The following RAB38 variants were observed in gnomAD, a reference collection of about 807,000 sequenced individuals.
The protein encoded by RAB38 is RAB38, member RAS oncogene family, also known as ras-related protein Rab-38.
In RAB38, 15 loss-of-function variants were observed where a neutral mutation model predicts 18.4. The observed-to-expected ratio is 0.82, with a 90% CI of 0.55 to 1.26. The LOEUF is 1.26. RAB38 is among the 50% of genes most tolerant of loss of function. The pLI is 0.00. For missense variants in RAB38, 294 were observed against 267.4 expected (o/e 1.10, Z -0.69); for synonymous variants, 101 against 104.4 (o/e 0.97, Z 0.20).
intron 2 of RAB38, among the ~76,000 whole-genome samples, chr11:88,145,476 T>C (rs1190951353): frequency 1.3e-5 from 2 of 152,070 alleles, no homozygotes; most frequent in Non-Finnish European, 2.9e-5. Context: ...ACAGTAGCTC[T>C]AGAAGGTGAG....
the RAB38 span, among the ~76,000 whole-genome samples, chr11:88,004,001 A>T: frequency 7.8e-6 from 1 of 127,432 alleles, no homozygotes; most frequent in African/African-American, 3.1e-5. Context: ...ATATATATAT[A>T]AAAAAGGTAT....
intron 1 of RAB38, chr11:88,173,628 G>A (rs1180185604): frequency 1.6e-5 from 16 of 985,422 alleles, no homozygotes; most frequent in South Asian, 4.7e-5. Context: ...ACAGTAAGCC[G>A]TTTCTAAATC....
the RAB38 span, among the ~76,000 whole-genome samples, chr11:88,061,080 C>T: frequency 6.6e-6 from 1 of 152,022 alleles, no homozygotes; most frequent in Non-Finnish European, 1.5e-5. Context: ...TTATCCGTGC[C>T]CTACAATGAT....
chr11:88,069,328 GC>G, the RAB38 span, among the ~76,000 whole-genome samples: 479 of 152,304 alleles, frequency 3.1e-3, 10 homozygotes, highest in Admixed American at 0.022. Flanking sequence ...ATGCCGGAGG[GC>G]CCCCCAGGGT....
At chr11:88,158,434 G>T (rs2386578) in intron 1 of RAB38, among the ~76,000 whole-genome samples, 37,441 of 151,904 alleles carry the variant, frequency 0.25, 4,653 homozygotes, top group Admixed American at 0.27. Context: ...TAGAAAGCCA[G>T]CATCACCCTG....
chr11:87,961,805 T>G, the RAB38 span, among the ~76,000 whole-genome samples: 1 of 152,132 alleles, frequency 6.6e-6, no homozygotes, highest in African/African-American at 2.4e-5. Flanking sequence ...TAAGAGAAAA[T>G]GTGTCATGGG....
chr11:87,968,766 A>G, the RAB38 span, among the ~76,000 whole-genome samples: 1 of 152,140 alleles, frequency 6.6e-6, no homozygotes, highest in Non-Finnish European at 1.5e-5. Flanking sequence ...TGTAACAAAG[A>G]GTTGATATTT....
At chr11:88,066,716 C>G in the RAB38 span, among the ~76,000 whole-genome samples, 3 of 152,120 alleles carry the variant, frequency 2.0e-5, no homozygotes, top group Non-Finnish European at 4.4e-5. Context: ...ATTTTCCTCT[C>G]TAAAAACTAG....
the RAB38 span, among the ~76,000 whole-genome samples, chr11:88,051,254 A>C: frequency 5.9e-5 from 9 of 152,026 alleles, no homozygotes; most frequent in Admixed American, 5.9e-4. Flanking sequence ...TCCCCAGGGT[A>C]CTGGAAACTG....
chr11:87,870,311 G>A, the RAB38 span, among the ~76,000 whole-genome samples: 2 of 151,360 alleles, frequency 1.3e-5, no homozygotes, highest in East Asian at 2.0e-4. Context: ...TCAGACACAC[G>A]GATATCATCC....
At chr11:87,938,205 C>T in the RAB38 span, among the ~76,000 whole-genome samples, 1 of 152,010 alleles carries the variant, frequency 6.6e-6, no homozygotes, top group Non-Finnish European at 1.5e-5. Flanking sequence ...ATGGGAATTC[C>T]AGCTTTTCAT....
chr11:87,930,765 G>A, the RAB38 span, among the ~76,000 whole-genome samples: 5 of 152,114 alleles, frequency 3.3e-5, no homozygotes, highest in African/African-American at 1.2e-4. Context: ...AAGGGATCCA[G>A]TTTCAGCTTT....
the RAB38 span, among the ~76,000 whole-genome samples, chr11:87,854,369 G>A: frequency 6.6e-6 from 1 of 152,136 alleles, no homozygotes; most frequent in African/African-American, 2.4e-5. Context: ...AAGACTATGA[G>A]ACTCTCCAAA....
the RAB38 span, among the ~76,000 whole-genome samples, chr11:88,011,491 C>T: frequency 6.6e-6 from 1 of 152,056 alleles, no homozygotes. Flanking sequence ...TGTTGTAGTC[C>T]AAACTCAAAC....
the RAB38 span, among the ~76,000 whole-genome samples, chr11:88,042,140 GA>G: frequency 1.2e-4 from 18 of 148,672 alleles, no homozygotes; most frequent in East Asian, 3.9e-4. Context: ...TTCCTCTGAA[GA>G]AAAAAAAAAT....
At chr11:87,820,962 G>A in the RAB38 span, among the ~76,000 whole-genome samples, 1 of 152,196 alleles carries the variant, frequency 6.6e-6, no homozygotes, top group South Asian at 2.1e-4. Context: ...CAATGAGATG[G>A]AATATTTAAA....
chr11:88,026,004 C>A, the RAB38 span, among the ~76,000 whole-genome samples: 1 of 151,882 alleles, frequency 6.6e-6, no homozygotes, highest in African/African-American at 2.4e-5. Flanking sequence ...CTCGCTGTGT[C>A]GCCAGGCTGG....
chr11:87,933,608 G>A, the RAB38 span, among the ~76,000 whole-genome samples: 1 of 151,822 alleles, frequency 6.6e-6, no homozygotes, highest in Non-Finnish European at 1.5e-5. Context: ...GAGAACTGAA[G>A]TAGCTCTGAG....
chr11:87,873,857 TA>T, the RAB38 span, among the ~76,000 whole-genome samples: 6 of 148,218 alleles, frequency 4.0e-5, no homozygotes, highest in Non-Finnish European at 9.0e-5. Flanking sequence ...TGCCAGTGTA[TA>T]GGGGTGTGTG....
Sources: allele counts gnomAD v4.1 joint callset (sites outside exome capture counted in the v4.1 genomes callset), GRCh38; gene constraint gnomAD v4.1.1; transcripts MANE v1.5; gene names NCBI Gene and HGNC (gene_info 2026-07-23, HGNC 2026-07-21).